Variants in SLC6A15 observed in about 807,000 individuals in gnomAD.
SLC6A15 encodes the protein solute carrier family 6 member 15, also known as sodium-dependent neutral amino acid transporter B(0)AT2.
In SLC6A15, 33 loss-of-function variants were observed where a neutral mutation model predicts 68.5. That is an observed-to-expected ratio of 0.48 (90% CI 0.37 to 0.64). The LOEUF (loss-of-function observed/expected upper bound fraction) is 0.64. Ranked by LOEUF, SLC6A15 falls within the 30% of genes least tolerant of loss-of-function variation. The pLI, the probability that SLC6A15 is intolerant of heterozygous loss-of-function variation, is 0.00. For synonymous variants in SLC6A15, 347 were observed against 301.0 expected, an observed-to-expected ratio of 1.15 and a Z score of -1.58; for missense variants, 747 against 874.3, an observed-to-expected ratio of 0.85 and a Z score of 1.84.
intron 2 of SLC6A15, among the ~76,000 whole-genome samples, chr12:84,890,709 A>G (rs1872348632): frequency 1.3e-5 from 2 of 152,182 alleles, no homozygotes; most frequent in East Asian, 1.9e-4. Flanking sequence ...AACATCTTAG[A>G]GTTTCATGTT....
intron 5 of SLC6A15, chr12:84,882,195 A>G (rs1386979258): frequency 1.0e-6 from 1 of 985,262 alleles, no homozygotes. Flanking sequence ...CTGGATGACC[A>G]CAGTTGGTTT....
intron 5 of SLC6A15, chr12:84,882,000 C>G: frequency 1.0e-6 from 1 of 978,398 alleles, no homozygotes; most frequent in Non-Finnish European, 1.2e-6. Flanking sequence ...AATGTATGTA[C>G]TAAATAAATT....
intron 1 of SLC6A15, among the ~76,000 whole-genome samples, chr12:84,904,425 A>G (rs1873045653): frequency 1.3e-5 from 2 of 152,146 alleles, no homozygotes; most frequent in Admixed American, 1.3e-4. Flanking sequence ...ATTTTAAGAC[A>G]CTATGTTGTA....
chr12:84,908,585 G>T (rs896357732), intron 1 of SLC6A15, among the ~76,000 whole-genome samples: 5 of 135,294 alleles, frequency 3.7e-5, no homozygotes, highest in Admixed American at 2.2e-4. Context: ...ATATTAAAGG[G>T]CAAAGAGTAA....
Position 84,892,197 on chromosome 12 carries a change from C to G in SLC6A15, c.-77G>C. On this transcript the variant is annotated 5_prime_UTR_variant, in exon 2 of 12. Coordinates refer to ENST00000266682, the MANE Select transcript of SLC6A15 (RefSeq NM_182767.6). ...AATGTGTTAACTCTATTTTTCAAAA[C>G]AATGTTACTTGATAGGAAGTAAAGA... The G allele has an allele frequency of 7.5e-7, 1 of 1,331,546 alleles. No individual in the cohort carries two copies. Among genetic ancestry groups the G allele is most frequent in the Non-Finnish European group, 1.0e-6 (1 of 981,668 alleles). The allele number at this position is 1,331,546 out of a possible 1,614,324, so 82.5% of individuals were successfully genotyped here. A position where few individuals can be genotyped will look rare whatever the true frequency, so the allele number is the denominator to read the frequency against.
chr12:84,899,494 T>C (rs570634399), intron 1 of SLC6A15, among the ~76,000 whole-genome samples: 34 of 152,290 alleles, frequency 2.2e-4, no homozygotes, highest in Non-Finnish European at 4.9e-4. Flanking sequence ...TCATGGACAT[T>C]GGTTCCTAGT....
intron 5 of SLC6A15, chr12:84,880,948 G>A (rs916222900): frequency 6.7e-6 from 6 of 895,064 alleles, no homozygotes; most frequent in African/African-American, 1.8e-5. Context: ...TCATGTATTG[G>A]TTGCTTAATT....
intron 6 of SLC6A15, among the ~76,000 whole-genome samples, chr12:84,873,698 C>T (rs984689102): frequency 1.3e-5 from 2 of 152,004 alleles, no homozygotes; most frequent in Admixed American, 6.6e-5. Context: ...GGTCAATTAC[C>T]AATAAAAGTT....
intron 1 of SLC6A15, among the ~76,000 whole-genome samples, chr12:84,899,221 A>G (rs1872749382): frequency 6.6e-6 from 1 of 152,238 alleles, no homozygotes; most frequent in African/African-American, 2.4e-5. Flanking sequence ...TGACCAAAGA[A>G]AGTCTCAAAC....
At chr12:84,869,464 CA>C (rs34160834) in intron 9 of SLC6A15, among the ~76,000 whole-genome samples, 15,607 of 62,886 alleles carry the variant, frequency 0.25, 536 homozygotes, top group African/African-American at 0.4. Context: ...GACTCCGTCT[CA>C]AAAAAAAAAA....
At chr12:84,865,670 A>T (rs1336729084) in intron 10 of SLC6A15, among the ~76,000 whole-genome samples, 2 of 152,168 alleles carry the variant, frequency 1.3e-5, no homozygotes, top group South Asian at 4.1e-4. Context: ...CTGTTTCCAT[A>T]GTTTTACCTT....
intron 1 of SLC6A15, among the ~76,000 whole-genome samples, chr12:84,910,267 T>C (rs185637885): frequency 2.0e-5 from 3 of 152,200 alleles, no homozygotes; most frequent in Non-Finnish European, 2.9e-5. Flanking sequence ...ATTATCTTTC[T>C]TTAAAAATCC....
intron 4 of SLC6A15, among the ~76,000 whole-genome samples, chr12:84,885,220 T>C (rs915798480): frequency 1.3e-5 from 2 of 152,142 alleles, no homozygotes; most frequent in Non-Finnish European, 2.9e-5. Context: ...TCTTAGGGCA[T>C]AGTAAAGTAA....
intron 1 of SLC6A15, among the ~76,000 whole-genome samples, chr12:84,907,934 A>C (rs902394853): frequency 4.6e-5 from 7 of 152,224 alleles, no homozygotes; most frequent in African/African-American, 1.7e-4. Flanking sequence ...CAATTCAAAT[A>C]CATTGAATAC....
chr12:84,876,110 A>G (rs1471214200), intron 6 of SLC6A15, among the ~76,000 whole-genome samples: 1 of 151,808 alleles, frequency 6.6e-6, no homozygotes, highest in Non-Finnish European at 1.5e-5. Context: ...TGGGAAAAAA[A>G]ATCCTCGTCA....
intron 1 of SLC6A15, among the ~76,000 whole-genome samples, chr12:84,896,361 C>T (rs1395198574): frequency 6.6e-6 from 1 of 151,854 alleles, no homozygotes; most frequent in East Asian, 1.9e-4. Context: ...AACCCACCAT[C>T]TGTATTTTGT....
chr12:84,886,594 A>G (rs1872114620), intron 2 of SLC6A15, among the ~76,000 whole-genome samples: 1 of 151,790 alleles, frequency 6.6e-6, no homozygotes, highest in African/African-American at 2.4e-5. Flanking sequence ...GAAAAAGAAA[A>G]AAAAAAAACA....
intron 1 of SLC6A15, among the ~76,000 whole-genome samples, chr12:84,894,029 CAG>C (rs1872535120): frequency 6.6e-6 from 1 of 152,120 alleles, no homozygotes; most frequent in Non-Finnish European, 1.5e-5. Context: ...GAAGCGATCA[CAG>C]TGACTATTTC....
In SLC6A15 at chr12:84,867,106, G is replaced by A; in HGVS notation, c.1583C>T (p.Ser528Phe). 1 of 1,612,620 alleles carries A rather than the reference G, an allele frequency of 6.2e-7. No individual in the cohort carries two copies. The highest frequency in any genetic ancestry group is 2.2e-5 in the East Asian group (1 of 44,698). The change falls in exon 10 of 12, where the codon TCT becomes TTT. Residue 528 changes from serine to phenylalanine, a missense_variant. Ser to Phe is a radical substitution (Grantham distance 155, BLOSUM62 -2). Coordinates refer to ENST00000266682, the MANE Select transcript of SLC6A15 (RefSeq NM_182767.6). Reference protein sequence around the residue: ...NYFVTMFDDYSATLPLLIVVI... With the variant: ...NYFVTMFDDYFATLPLLIVVI... ...TACAATTAGCAGAGGCAGTGTAGCAGAATAATCATCAAACATTGTAACAAA... is the reference window on the plus strand; with the variant it reads ...TACAATTAGCAGAGGCAGTGTAGCAAAATAATCATCAAACATTGTAACAAA...
Sources: gnomAD v4.1 joint callset for allele counts (sites outside exome capture counted in the v4.1 genomes callset) on GRCh38, gnomAD v4.1.1 for gene constraint, MANE v1.5 for transcripts, NCBI Gene and HGNC (gene_info 2026-07-23, HGNC 2026-07-21) for gene names.